Variants in RAF1 observed in about 807,000 individuals in gnomAD.
RAF1 encodes Raf-1 proto-oncogene, serine/threonine kinase, also known as RAF proto-oncogene serine/threonine-protein kinase.
RAF1 carries 27 observed loss-of-function variants against 81.1 expected under a neutral mutation model. That is an observed-to-expected ratio of 0.33 (90% CI 0.25 to 0.46). The LOEUF is 0.46. RAF1 is among the 20% of genes least tolerant of loss of function. RAF1 has a pLI of 1.00. For synonymous variants in RAF1, 298 were observed against 294.0 expected (o/e 1.01, Z -0.14); for missense variants, 598 against 826.0 (o/e 0.72, Z 3.38).
At position 12,600,473 on chromosome 3, in the gene RAF1, A is replaced by AG; in HGVS notation, c.895-59dup. 3.1e-6 allele frequency: 5 copies of AG among 1,588,830 alleles called. No homozygotes were observed. The East Asian group carries it at 8.9e-5, about 28-fold the overall frequency. On this transcript the variant is annotated intron_variant, in intron 8 of 17. Coordinates refer to ENST00000442415, the MANE Select transcript of RAF1 (RefSeq NM_001354689.3). Reference sequence around the variant, plus strand: ...ACACACAAAAGATTTTCTCTGGGGGAGGGAAAAAAGAGGAGGAGGATGTGC... The same window carrying AG: ...ACACACAAAAGATTTTCTCTGGGGGAGGGGAAAAAAGAGGAGGAGGATGTGC...
At chr3:12,589,777 AG>A (rs1416638720) in intron 13 of RAF1, 3 of 148,620 alleles carry the variant, frequency 2.0e-5, no homozygotes, top group African/African-American at 5.0e-5. Flanking sequence ...TAAGGAAAAA[AG>A]TGTGGTTTTT....
At chr3:12,661,022 T>G (rs1051151584) in intron 1 of RAF1, among the ~76,000 whole-genome samples, 1 of 152,192 alleles carries the variant, frequency 6.6e-6, no homozygotes, top group Non-Finnish European at 1.5e-5. Flanking sequence ...TATCCCAGCA[T>G]TCAACTGGGT....
Position 12,600,553 on chromosome 3 carries a change from T to C in RAF1, c.895-138A>G, listed in dbSNP as rs996530035. On this transcript the variant is annotated intron_variant, in intron 8 of 17. Transcript: ENST00000442415. ...AAAACCATAGAAATCCTAAACATAC[T>C]CTAATCAACGTTCCTTGATTAAATT... 3 of 934,238 alleles carry C rather than the reference T, an allele frequency of 3.2e-6. No individual in the cohort carries two copies. In the East Asian group the frequency reaches 7.6e-5, roughly 24 times the overall value. The allele number at this position is 934,238 out of a possible 1,614,324, so 57.9% of individuals were successfully genotyped here. A position where few individuals can be genotyped will look rare whatever the true frequency, so the allele number is the denominator to read the frequency against.
At chr3:12,607,732 C>CATG (rs2059080370) in intron 5 of RAF1, among the ~76,000 whole-genome samples, 1 of 151,766 alleles carries the variant, frequency 6.6e-6, no homozygotes. Context: ...GTGGGCAGAT[C>CATG]ATGAGGTCAA....
chr3:12,660,729 C>G (rs557098682), intron 1 of RAF1, among the ~76,000 whole-genome samples: 5 of 152,168 alleles, frequency 3.3e-5, no homozygotes, highest in Admixed American at 3.3e-4. Context: ...GTAATCCCAG[C>G]ACTTTGCAAG....
rs537144281 is a variant in RAF1, at chr3:12,649,561, T to A, written c.-27+14252A>T. 5.3e-4 allele frequency among the ~76,000 whole-genome samples: 80 copies of A among 150,788 alleles called. 1 individual carries two copies. The South Asian group carries it at 0.017, about 32-fold the overall frequency. The stretch of plus-strand genomic sequence containing the variant: ...CTGCAGTGAGCTATGATCGTGCCAC[T>A]GCACTCCAGCATGGGGGCCAGAGAC... On this transcript the variant is annotated intron_variant, in intron 1 of 17. Coordinates refer to ENST00000442415, the MANE Select transcript of RAF1 (RefSeq NM_001354689.3).
chr3:12,621,609 G>C (rs185828007), intron 1 of RAF1, among the ~76,000 whole-genome samples: 2 of 152,292 alleles, frequency 1.3e-5, no homozygotes, highest in Admixed American at 6.5e-5. Flanking sequence ...GAATGACCTA[G>C]TATTCTACTC....
At chr3:12,595,873 A>C (rs2058669998) in intron 11 of RAF1, among the ~76,000 whole-genome samples, 1 of 141,054 alleles carries the variant, frequency 7.1e-6, no homozygotes, top group Non-Finnish European at 1.5e-5. Flanking sequence ...TAAACTCCTT[A>C]AGTTTCTTTT....
At chr3:12,652,182 C>T (rs1165625806) in intron 1 of RAF1, among the ~76,000 whole-genome samples, 1 of 150,702 alleles carries the variant, frequency 6.6e-6, no homozygotes, top group Non-Finnish European at 1.5e-5. Context: ...TGCCACTGCA[C>T]TCCAACCTGG....
At chr3:12,619,382 G>C (rs909776755) in intron 1 of RAF1, among the ~76,000 whole-genome samples, 1 of 152,006 alleles carries the variant, frequency 6.6e-6, no homozygotes, top group Admixed American at 6.6e-5. Flanking sequence ...TGGCTAACAT[G>C]GTAAAATGCT....
intron 1 of RAF1, among the ~76,000 whole-genome samples, chr3:12,619,573 A>C (rs2059491179): frequency 6.6e-6 from 1 of 151,626 alleles, no homozygotes. Flanking sequence ...CTCCCAAAAA[A>C]AAAAAAAAAA....
chr3:12,620,032 A>C (rs550956193), intron 1 of RAF1, among the ~76,000 whole-genome samples: 1 of 152,142 alleles, frequency 6.6e-6, no homozygotes, highest in African/African-American at 2.4e-5. Context: ...CGGTGAGCTG[A>C]GATCGCACCA....
chr3:12,650,135 G>A (rs2060475910), intron 1 of RAF1, among the ~76,000 whole-genome samples: 1 of 113,344 alleles, frequency 8.8e-6, no homozygotes, highest in African/African-American at 3.3e-5. Context: ...GACAGTGCGA[G>A]ACTCCATCTC....
chr3:12,606,150 C>A (rs1481181496), intron 6 of RAF1, 51 bp downstream of exon 6: 2 of 1,412,390 alleles, frequency 1.4e-6, no homozygotes, highest in Non-Finnish European at 2.0e-6. Flanking sequence ...AGCTTCCAAC[C>A]CCACCACCCC....
At chr3:12,642,274 C>T (rs1444993753) in intron 1 of RAF1, among the ~76,000 whole-genome samples, 1 of 149,640 alleles carries the variant, frequency 6.7e-6, no homozygotes, top group Non-Finnish European at 1.5e-5. Flanking sequence ...CACGGTGAAA[C>T]CCCATTTCTA....
At chr3:12,593,318 T>C (rs1403323030) in intron 11 of RAF1, among the ~76,000 whole-genome samples, 1 of 151,266 alleles carries the variant, frequency 6.6e-6, no homozygotes, top group Non-Finnish European at 1.5e-5. Context: ...TGACCTCAAA[T>C]GATCTGCCTG....
rs777122867 is a variant in RAF1 at position 12,600,456 on chromosome 3, A to C, written c.895-41T>G. On this transcript the variant is annotated intron_variant, in intron 8 of 17. Coordinates refer to ENST00000442415, the MANE Select transcript of RAF1 (RefSeq NM_001354689.3). ...AAAGCTGGTCAACTCCTACACACAA[A>C]AGATTTTCTCTGGGGGAGGGAAAAA... is the stretch of plus-strand genomic sequence containing the variant. 11 of 1,611,152 alleles carry C rather than the reference A, an allele frequency of 6.8e-6. No individual in the cohort carries two copies. In the South Asian group the frequency reaches 1.2e-4, roughly 18 times the overall value.
chr3:12,658,187 T>C (rs1178283734), intron 1 of RAF1, among the ~76,000 whole-genome samples: 1 of 152,230 alleles, frequency 6.6e-6, no homozygotes, highest in Non-Finnish European at 1.5e-5. Flanking sequence ...TATACTATAC[T>C]GTATACACTA....
At chr3:12,629,554 T>C (rs569327335) in intron 1 of RAF1, among the ~76,000 whole-genome samples, 1 of 152,294 alleles carries the variant, frequency 6.6e-6, no homozygotes, top group East Asian at 1.9e-4. Flanking sequence ...GTGAGGAATC[T>C]ATGGACCATA....
Sources: gnomAD v4.1 joint callset for allele counts (sites outside exome capture counted in the v4.1 genomes callset) on GRCh38, gnomAD v4.1.1 for gene constraint, MANE v1.5 for transcripts, NCBI Gene and HGNC (gene_info 2026-07-23, HGNC 2026-07-21) for gene names.